CDH18: variants seen among roughly 807,000 people sequenced by gnomAD.
CDH18 encodes cadherin-18.
Under a neutral mutation model 67.9 loss-of-function variants are expected in CDH18, and 31 were observed. That is an observed-to-expected ratio of 0.46 (90% CI 0.34 to 0.62). CDH18 has a LOEUF of 0.62. Among genes scored for constraint, CDH18 ranks in the 20% least tolerant of loss-of-function variants. The pLI is 0.01. For synonymous variants in CDH18, 362 were observed against 347.2 expected (o/e 1.04, Z -0.48); for missense variants, 890 against 975.5 (o/e 0.91, Z 1.17).
intron 4 of CDH18, among the ~76,000 whole-genome samples, chr5:19,741,504 G>A (rs1438821859): frequency 1.6e-4 from 25 of 151,820 alleles, no homozygotes; most frequent in Admixed American, 1.6e-3. Flanking sequence ...CCTTTTATGG[G>A]TGCAAATAAC....
intron 2 of CDH18, among the ~76,000 whole-genome samples, chr5:19,948,501 A>T (rs13169189): frequency 0.43 from 64,839 of 152,010 alleles, 16,148 homozygotes; most frequent in Middle Eastern, 0.64. Flanking sequence ...AATCATAGAG[A>T]TGAAATACAT....
intron 1 of CDH18, among the ~76,000 whole-genome samples, chr5:20,321,254 T>C (rs1172085569): frequency 6.6e-6 from 1 of 152,066 alleles, no homozygotes. Flanking sequence ...AGCTGCTTGC[T>C]AAAACACAGT....
At chr5:19,704,176 T>G (rs1763648943) in intron 5 of CDH18, among the ~76,000 whole-genome samples, 1 of 152,128 alleles carries the variant, frequency 6.6e-6, no homozygotes, top group South Asian at 2.1e-4. Flanking sequence ...GTCCTACCTG[T>G]GAAATAACTA....
At chr5:20,091,553 A>G (rs1187374662) in intron 2 of CDH18, among the ~76,000 whole-genome samples, 1 of 152,158 alleles carries the variant, frequency 6.6e-6, no homozygotes, top group Non-Finnish European at 1.5e-5. Flanking sequence ...AAGCACTTTA[A>G]GTAAGGATTT....
At chr5:20,463,136 T>G (rs1450293491) in intron 1 of CDH18, among the ~76,000 whole-genome samples, 1 of 152,090 alleles carries the variant, frequency 6.6e-6, no homozygotes, top group Admixed American at 6.6e-5. Context: ...GTAAACACAA[T>G]AGACAAGGAA....
At chr5:20,176,003 T>C (rs1437515861) in intron 2 of CDH18, among the ~76,000 whole-genome samples, 1 of 152,202 alleles carries the variant, frequency 6.6e-6, no homozygotes, top group Non-Finnish European at 1.5e-5. Flanking sequence ...GTAGAAGTTA[T>C]GTATTACCTC....
chr5:19,885,550 A>AAGAGATCT (rs1788102432), intron 2 of CDH18, among the ~76,000 whole-genome samples: 1 of 152,174 alleles, frequency 6.6e-6, no homozygotes, highest in Admixed American at 6.6e-5. Flanking sequence ...ACTTAAGAGC[A>AAGAGATCT]AGAGATCTGG....
chr5:20,524,609 T>C (rs545208665), intron 1 of CDH18, among the ~76,000 whole-genome samples: 4 of 152,324 alleles, frequency 2.6e-5, no homozygotes, highest in South Asian at 2.1e-4. Flanking sequence ...TACATATCAA[T>C]ATATCTGCAT....
intron 2 of CDH18, among the ~76,000 whole-genome samples, chr5:20,005,714 G>T (rs1323719956): frequency 2.6e-5 from 4 of 151,902 alleles, no homozygotes; most frequent in Admixed American, 2.6e-4. Flanking sequence ...AGACACTGAT[G>T]CAAACAATAC....
chr5:20,269,083 T>C (rs564016030), intron 1 of CDH18, among the ~76,000 whole-genome samples: 2 of 152,224 alleles, frequency 1.3e-5, no homozygotes, highest in East Asian at 3.9e-4. Flanking sequence ...TAAGAATAGA[T>C]ATTTTTTAAA....
chr5:19,826,161 C>A (rs1209180002), intron 3 of CDH18, among the ~76,000 whole-genome samples: 2 of 151,872 alleles, frequency 1.3e-5, no homozygotes, highest in Non-Finnish European at 2.9e-5. Context: ...TCTGAAGTAA[C>A]AGGCATGAAA....
chr5:19,862,332 T>C (rs1178123681), intron 2 of CDH18, among the ~76,000 whole-genome samples: 1 of 151,634 alleles, frequency 6.6e-6, no homozygotes, highest in African/African-American at 2.4e-5. Context: ...TATATTTTAT[T>C]ATCTCAAAAA....
intron 4 of CDH18, among the ~76,000 whole-genome samples, chr5:19,728,587 A>C (rs936886680): frequency 4.6e-5 from 7 of 152,162 alleles, no homozygotes; most frequent in African/African-American, 1.7e-4. Context: ...ATAGACACAT[A>C]TCAATGAGAG....
intron 5 of CDH18, among the ~76,000 whole-genome samples, chr5:19,686,031 A>C (rs145229834): frequency 7.9e-4 from 120 of 152,318 alleles, no homozygotes; most frequent in African/African-American, 2.6e-3. Flanking sequence ...TATATCTAAT[A>C]AATTCCTAGA....
intron 2 of CDH18, among the ~76,000 whole-genome samples, chr5:19,892,327 T>A (rs1241919537): frequency 6.6e-6 from 1 of 152,162 alleles, no homozygotes; most frequent in East Asian, 1.9e-4. Flanking sequence ...TACTCATTAC[T>A]TTTTGATATG....
intron 10 of CDH18, among the ~76,000 whole-genome samples, chr5:19,511,799 A>C (rs1745162061): frequency 6.6e-6 from 1 of 152,194 alleles, no homozygotes; most frequent in Admixed American, 6.5e-5. Flanking sequence ...AGCAGAGCAT[A>C]AAAGTTTGGA....
chr5:20,424,123 T>C (rs1748089113), intron 1 of CDH18, among the ~76,000 whole-genome samples: 1 of 150,290 alleles, frequency 6.7e-6, no homozygotes, highest in Non-Finnish European at 1.5e-5. Flanking sequence ...ACAAAGAATC[T>C]AATAATAAGA....
At chr5:19,926,972 A>G (rs1412314296) in intron 2 of CDH18, among the ~76,000 whole-genome samples, 3 of 152,280 alleles carry the variant, frequency 2.0e-5, no homozygotes, top group East Asian at 1.9e-4. Flanking sequence ...ACATTCTGTC[A>G]TTTATAAAGA....
intron 2 of CDH18, among the ~76,000 whole-genome samples, chr5:20,064,052 T>C (rs1012852904): frequency 6.6e-6 from 1 of 152,216 alleles, no homozygotes; most frequent in Non-Finnish European, 1.5e-5. Context: ...TAATTTGTTA[T>C]ATTTTATACT....
Sources: gnomAD v4.1 joint callset for allele counts (sites outside exome capture counted in the v4.1 genomes callset) on GRCh38, gnomAD v4.1.1 for gene constraint, MANE v1.5 for transcripts, NCBI Gene and HGNC (gene_info 2026-07-23, HGNC 2026-07-21) for gene names.